The following STXBP5L variants were observed in gnomAD, a reference collection of about 807,000 sequenced individuals.
STXBP5L encodes syntaxin-binding protein 5-like.
STXBP5L carries 65 observed loss-of-function variants against 144.5 expected under a neutral mutation model. That is an observed-to-expected ratio of 0.45 (90% CI 0.37 to 0.55). The LOEUF (loss-of-function observed/expected upper bound fraction) is 0.55, where lower values mean the gene tolerates loss of function less well. Among genes scored for constraint, STXBP5L ranks in the 20% least tolerant of loss-of-function variants. STXBP5L has a pLI of 0.00. For missense variants in STXBP5L, 1,298 were observed against 1,405.5 expected, an observed-to-expected ratio of 0.92 and a Z score of 1.22; for synonymous variants, 505 against 469.6, an observed-to-expected ratio of 1.08 and a Z score of -0.97.
chr3:121,063,831 G>A (rs72968857), intron 5 of STXBP5L, among the ~76,000 whole-genome samples: 2 of 152,022 alleles, frequency 1.3e-5, no homozygotes, highest in South Asian at 4.2e-4. Flanking sequence ...AATGGAGGAC[G>A]CCCCTCCCCC....
intron 3 of STXBP5L, among the ~76,000 whole-genome samples, chr3:120,964,225 C>G (rs1939263804): frequency 6.6e-6 from 1 of 152,188 alleles, no homozygotes; most frequent in Admixed American, 6.5e-5. Flanking sequence ...AAAAAAGCAG[C>G]TCCTGGATTC....
chr3:121,053,760 C>A (rs1948221135), intron 5 of STXBP5L, among the ~76,000 whole-genome samples: 1 of 152,086 alleles, frequency 6.6e-6, no homozygotes, highest in African/African-American at 2.4e-5. Flanking sequence ...AACTAAAGAG[C>A]TTCTGCACAG....
Position 121,121,646 on chromosome 3 carries a change from C to G in STXBP5L, c.611C>G (p.Thr204Ser), listed in dbSNP as rs1195675479. 3.1e-6 allele frequency: 5 copies of G among 1,602,566 alleles called. No homozygotes were observed. In the South Asian group the frequency reaches 4.4e-5, roughly 14 times the overall value. ...IMWNKAIELS[T>S]KTHPGPVVHL... The stretch of plus-strand genomic sequence containing the variant: ...GTTTTGAATTGATTTAACAGATCCA[C>G]TAAGACTCATCCAGGTCCAGTTGTA... The change falls in exon 7 of 27, where the codon ACT becomes AGT. Residue 204 changes from threonine (T) to serine (S), a missense_variant. Physicochemically the swap from Thr to Ser is moderately conservative, Grantham distance 58. Transcript: ENST00000471454.
chr3:121,152,580 A>G lies in STXBP5L; in HGVS notation c.753+20A>G. ...GATGAGGTAAGTGATTTCTACCGAC[A>G]TGTTTGAAAGAGTATTGTGACGTTA... On this transcript the variant is annotated intron_variant, in intron 8 of 26. Transcript: ENST00000471454. 1 of 1,541,766 alleles carries G rather than the reference A, an allele frequency of 6.5e-7. No homozygotes were observed. Among genetic ancestry groups the G allele is most frequent in the South Asian group, 1.1e-5 (1 of 87,938 alleles).
chr3:121,277,809 AGTGACACTCCTATATCTGCT>A (rs1288053911), intron 18 of STXBP5L, among the ~76,000 whole-genome samples: 8 of 151,722 alleles, frequency 5.3e-5, no homozygotes, highest in Non-Finnish European at 8.8e-5. Context: ...TCACTGCTGA[AGTGACACTCCTATATCTGCT>A]GTTCCATGTA....
intron 3 of STXBP5L, among the ~76,000 whole-genome samples, chr3:121,002,679 A>G (rs1459117233): frequency 6.6e-6 from 1 of 152,118 alleles, no homozygotes; most frequent in South Asian, 2.1e-4. Flanking sequence ...TACATTAGGT[A>G]TACCTCCTAA....
chr3:121,180,623 C>T (rs1577131938), intron 9 of STXBP5L, among the ~76,000 whole-genome samples: 3 of 152,164 alleles, frequency 2.0e-5, no homozygotes, highest in Admixed American at 2.0e-4. Context: ...CCTGTAATAC[C>T]AGCACTTTGG....
At chr3:121,017,122 G>T (rs567907119) in intron 3 of STXBP5L, among the ~76,000 whole-genome samples, 9 of 152,030 alleles carry the variant, frequency 5.9e-5, no homozygotes, top group African/African-American at 2.2e-4. Flanking sequence ...GTTATACAAG[G>T]CTCATTTAGC....
chr3:121,238,254 T>C (rs2049548424), intron 12 of STXBP5L, among the ~76,000 whole-genome samples: 1 of 152,204 alleles, frequency 6.6e-6, no homozygotes. Context: ...CCTGAGCTGT[T>C]TTCACTCATG....
At chr3:121,356,806 C>A (rs960224595) in intron 20 of STXBP5L, among the ~76,000 whole-genome samples, 9 of 152,160 alleles carry the variant, frequency 5.9e-5, no homozygotes, top group African/African-American at 1.2e-4. Flanking sequence ...AGAGCTGTTC[C>A]TATTTGGCCA....
At chr3:121,021,795 T>A (rs1397250803) in intron 3 of STXBP5L, among the ~76,000 whole-genome samples, 1 of 152,158 alleles carries the variant, frequency 6.6e-6, no homozygotes, top group Non-Finnish European at 1.5e-5. Context: ...TAGCATTAAA[T>A]GCCTATATAA....
intron 9 of STXBP5L, among the ~76,000 whole-genome samples, chr3:121,172,050 C>T (rs998226717): frequency 1.3e-5 from 2 of 152,176 alleles, no homozygotes; most frequent in Admixed American, 1.3e-4. Flanking sequence ...TAGCACGACA[C>T]ATCTACAACC....
intron 10 of STXBP5L, among the ~76,000 whole-genome samples, chr3:121,221,543 G>A (rs1296251165): frequency 6.6e-6 from 1 of 151,046 alleles, no homozygotes; most frequent in Non-Finnish European, 1.5e-5. Context: ...TTGCAAAACA[G>A]AGCAAAAAAC....
intron 2 of STXBP5L, among the ~76,000 whole-genome samples, chr3:120,938,424 T>C (rs1710381324): frequency 6.6e-6 from 1 of 152,222 alleles, no homozygotes; most frequent in Non-Finnish European, 1.5e-5. Context: ...TGGGATAAAT[T>C]CCTAGGAGAG....
chr3:121,407,429 A>G lies in STXBP5L; in HGVS notation c.2774A>G (p.Tyr925Cys), dbSNP rs376002630. The G allele has an allele frequency of 5.3e-5, 86 of 1,613,192 alleles. 1 individual carries two copies. Among genetic ancestry groups the G allele is most frequent in the African/African-American group, 1.3e-5 (1 of 74,890 alleles). Residue 925 changes from tyrosine to cysteine, a missense_variant, in exon 23 of 27, where the codon TAT becomes TGT. Physicochemically the swap from Tyr to Cys is radical, Grantham distance 194. Coordinates refer to ENST00000471454, the MANE Select transcript of STXBP5L (RefSeq NM_001308330.2). ...TCCCAAGAAATAGGAGATCATCAGT[A>G]TACAATAATCTGCTCAGAAAAACAA... ...SASQEIGDHQ[Y>C]TIICSEKQAK...
chr3:121,108,465 G>T (rs1038856816), intron 5 of STXBP5L, among the ~76,000 whole-genome samples: 1 of 152,160 alleles, frequency 6.6e-6, no homozygotes, highest in Non-Finnish European at 1.5e-5. Context: ...CATCTATTAA[G>T]ATAATCCTGT....
At chr3:121,212,487 T>C (rs574822062) in intron 10 of STXBP5L, among the ~76,000 whole-genome samples, 286 of 152,332 alleles carry the variant, frequency 1.9e-3, no homozygotes, top group Non-Finnish European at 3.1e-3. Flanking sequence ...TCCCCATTGC[T>C]TGTTTTTGTC....
chr3:121,030,333 G>A (rs1055762279), intron 3 of STXBP5L, among the ~76,000 whole-genome samples: 6 of 152,242 alleles, frequency 3.9e-5, no homozygotes, highest in Non-Finnish European at 5.9e-5. Context: ...TATATACCAT[G>A]GAATATTATA....
intron 19 of STXBP5L, among the ~76,000 whole-genome samples, chr3:121,288,600 G>C (rs1271178270): frequency 6.6e-6 from 1 of 152,144 alleles, no homozygotes; most frequent in Non-Finnish European, 1.5e-5. Flanking sequence ...TGGAGGTGTT[G>C]AGCATTTTTT....
Sources: allele counts gnomAD v4.1 joint callset (sites outside exome capture counted in the v4.1 genomes callset), GRCh38; gene constraint gnomAD v4.1.1; transcripts MANE v1.5; gene names NCBI Gene and HGNC (gene_info 2026-07-23, HGNC 2026-07-21).